SV2C: variants seen among roughly 807,000 people sequenced by gnomAD.
SV2C encodes the protein solute carrier family 22 member B3.
A neutral mutation model predicts 79.7 loss-of-function variants in SV2C; 49 were observed. The observed-to-expected ratio is 0.61, with a 90% CI of 0.49 to 0.78. The LOEUF is 0.78. Among genes scored for constraint, SV2C ranks in the 30% least tolerant of loss-of-function variants. The pLI, the probability that SV2C is intolerant of heterozygous loss-of-function variation, is 0.00. For synonymous variants in SV2C, 334 were observed against 333.2 expected, an observed-to-expected ratio of 1.00 and a Z score of -0.03; for missense variants, 833 against 912.9, an observed-to-expected ratio of 0.91 and a Z score of 1.13.
At chr5:75,974,872 C>T in the SV2C span, among the ~76,000 whole-genome samples, 1 of 152,070 alleles carries the variant, frequency 6.6e-6, no homozygotes, top group African/African-American at 2.4e-5. Flanking sequence ...GAGGTATATG[C>T]TATGATTATT....
At chr5:76,280,856 TC>T (rs1747164239) in intron 4 of SV2C, 1 of 421,140 alleles carries the variant, frequency 2.4e-6, no homozygotes, top group African/African-American at 2.1e-5. Context: ...ATTCAGTTTT[TC>T]TGGAATTCAG....
chr5:76,347,217 C>A (rs892635884), intron 12 of SV2C, among the ~76,000 whole-genome samples: 1 of 152,132 alleles, frequency 6.6e-6, no homozygotes, highest in Non-Finnish European at 1.5e-5. Flanking sequence ...TTTTTACCCC[C>A]ATTTGTACCT....
At chr5:76,287,008 C>CA (rs1449068354) in intron 6 of SV2C, among the ~76,000 whole-genome samples, 6 of 152,114 alleles carry the variant, frequency 3.9e-5, no homozygotes, top group Non-Finnish European at 8.8e-5. Flanking sequence ...TATCACCTGA[C>CA]AACCAAAGCA....
At chr5:76,124,034 G>T (rs2112168804) in intron 1 of SV2C, among the ~76,000 whole-genome samples, 1 of 152,198 alleles carries the variant, frequency 6.6e-6, no homozygotes, top group South Asian at 2.1e-4. Flanking sequence ...AAATACAAAT[G>T]TTTTTTATTT....
chr5:75,979,237 T>C, the SV2C span, among the ~76,000 whole-genome samples: 1 of 152,102 alleles, frequency 6.6e-6, no homozygotes, highest in African/African-American at 2.4e-5. Context: ...ATAAAGCAAG[T>C]TCTTAGAGAC....
chr5:76,037,007 A>G, the SV2C span, among the ~76,000 whole-genome samples: 20 of 152,000 alleles, frequency 1.3e-4, no homozygotes, highest in East Asian at 1.4e-3. Context: ...ATCTTCCATC[A>G]CTGATACCCT....
At chr5:76,023,822 A>C in the SV2C span, among the ~76,000 whole-genome samples, 1 of 151,890 alleles carries the variant, frequency 6.6e-6, no homozygotes, top group South Asian at 2.1e-4. Flanking sequence ...ATATGCCCAC[A>C]TATGCATGGG....
the SV2C span, among the ~76,000 whole-genome samples, chr5:75,945,071 T>G: frequency 6.6e-6 from 1 of 152,096 alleles, no homozygotes; most frequent in Non-Finnish European, 1.5e-5. Context: ...GATGTTGGAA[T>G]GATCAGAAAC....
the SV2C span, among the ~76,000 whole-genome samples, chr5:75,992,806 A>G: frequency 2.2e-4 from 34 of 152,124 alleles, no homozygotes; most frequent in Non-Finnish European, 4.3e-4. Flanking sequence ...CAATGAAATT[A>G]TAGAATAGGG....
At chr5:75,958,005 C>T in the SV2C span, among the ~76,000 whole-genome samples, 1 of 151,998 alleles carries the variant, frequency 6.6e-6, no homozygotes. Flanking sequence ...GTGCCCCCAA[C>T]AGAAGGATAC....
chr5:76,037,921 C>T, the SV2C span, among the ~76,000 whole-genome samples: 1 of 152,366 alleles, frequency 6.6e-6, no homozygotes, highest in East Asian at 1.9e-4. Flanking sequence ...CCCTCCAAGC[C>T]AGGTGCCGGA....
chr5:76,297,760 G>A (rs1158091809), intron 9 of SV2C, among the ~76,000 whole-genome samples: 1 of 152,154 alleles, frequency 6.6e-6, no homozygotes, highest in Non-Finnish European at 1.5e-5. Flanking sequence ...GTATTAGGGA[G>A]AGAATAAATT....
At chr5:76,201,469 G>A (rs556873922) in intron 3 of SV2C, among the ~76,000 whole-genome samples, 23 of 152,288 alleles carry the variant, frequency 1.5e-4, no homozygotes, top group Middle Eastern at 6.8e-3. Context: ...AAATTTCAAC[G>A]TGTCTGTATA....
intron 1 of SV2C, among the ~76,000 whole-genome samples, chr5:76,101,292 A>C (rs1747735344): frequency 6.6e-6 from 1 of 152,200 alleles, no homozygotes; most frequent in Admixed American, 6.5e-5. Flanking sequence ...TCGGAACCAC[A>C]CATTTAGAAA....
chr5:75,898,797 G>T, the SV2C span, among the ~76,000 whole-genome samples: 2 of 151,758 alleles, frequency 1.3e-5, no homozygotes, highest in African/African-American at 4.9e-5. Context: ...TTAGTCTTGG[G>T]AGGGTGTATG....
intron 4 of SV2C, among the ~76,000 whole-genome samples, chr5:76,246,624 C>T (rs965842367): frequency 1.4e-5 from 2 of 148,054 alleles, no homozygotes; most frequent in African/African-American, 2.5e-5. Flanking sequence ...TAGCAACACA[C>T]ACACTCACAC....
intron 4 of SV2C, among the ~76,000 whole-genome samples, chr5:76,257,049 G>T (rs1399657402): frequency 5.9e-5 from 9 of 152,122 alleles, no homozygotes. Context: ...TAGGCCAGTT[G>T]TCAGACTCTA....
intron 1 of SV2C, among the ~76,000 whole-genome samples, chr5:76,105,848 C>T (rs1747892008): frequency 6.6e-6 from 1 of 152,118 alleles, no homozygotes; most frequent in Non-Finnish European, 1.5e-5. Flanking sequence ...ACGCTCTTCT[C>T]CCCAATCTCT....
the SV2C span, among the ~76,000 whole-genome samples, chr5:76,033,390 T>G: frequency 2.0e-5 from 3 of 152,190 alleles, no homozygotes; most frequent in South Asian, 2.1e-4. Context: ...GGTCTAACAT[T>G]TAAGTCTTTA....
Sources: allele counts gnomAD v4.1 joint callset (sites outside exome capture counted in the v4.1 genomes callset), GRCh38; gene constraint gnomAD v4.1.1; transcripts MANE v1.5; gene names NCBI Gene and HGNC (gene_info 2026-07-23, HGNC 2026-07-21).